ZBTB20: variants seen among roughly 807,000 people sequenced by gnomAD.
ZBTB20 encodes the protein zinc finger and BTB domain containing 20, also known as zinc finger and BTB domain-containing protein 20.
ZBTB20 carries 9 observed loss-of-function variants against 56.9 expected under a neutral mutation model. The ratio of observed to expected loss-of-function variants is 0.16; its 90% CI spans 0.10 to 0.28. The LOEUF (loss-of-function observed/expected upper bound fraction) is 0.28. Among genes scored for constraint, ZBTB20 ranks in the 10% least tolerant of loss-of-function variants. ZBTB20 has a pLI of 1.00. For synonymous variants in ZBTB20, 417 were observed against 420.7 expected, an observed-to-expected ratio of 0.99 and a Z score of 0.11; for missense variants, 655 against 1,003.0, an observed-to-expected ratio of 0.65 and a Z score of 4.69.
chr3:114,664,558 T>A (rs1450967217), intron 6 of ZBTB20, among the ~76,000 whole-genome samples: 1 of 151,936 alleles, frequency 6.6e-6, no homozygotes, highest in South Asian at 2.1e-4. Flanking sequence ...TTGAATTGCA[T>A]CTGTAGGGAA....
chr3:114,587,279 G>A (rs937079286), intron 6 of ZBTB20, among the ~76,000 whole-genome samples: 1 of 152,052 alleles, frequency 6.6e-6, no homozygotes, highest in African/African-American at 2.4e-5. Context: ...TTACAGGTGT[G>A]AGCCACCGTG....
chr3:114,812,396 G>C lies in ZBTB20; in HGVS notation c.-416-11222C>G, dbSNP rs540622780. Among the ~76,000 whole-genome samples, 37 of 151,988 alleles carry C rather than the reference G, an allele frequency of 2.4e-4. No homozygotes were observed. The East Asian group carries it at 6.2e-3, about 26-fold the overall frequency. On this transcript the variant is annotated intron_variant, in intron 4 of 11. Transcript: ENST00000675478. The stretch of plus-strand genomic sequence containing the variant: ...CCAGAGTAGCTAGATACAGAGTGTC[G>C]ACTGGTGCATTCACAAACCCTGAGC...
At chr3:114,787,212 A>G (rs1267669467) in intron 5 of ZBTB20, among the ~76,000 whole-genome samples, 2 of 151,296 alleles carry the variant, frequency 1.3e-5, no homozygotes, top group Admixed American at 6.6e-5. Context: ...TCCTGGGCTC[A>G]AGCATTCCTC....
intron 5 of ZBTB20, among the ~76,000 whole-genome samples, chr3:114,751,939 T>C (rs952535130): frequency 6.6e-6 from 1 of 151,980 alleles, no homozygotes; most frequent in Non-Finnish European, 1.5e-5. Flanking sequence ...AATAATGGAG[T>C]TGTACTGGAC....
At chr3:114,787,148 A>AT (rs1351201025) in intron 5 of ZBTB20, among the ~76,000 whole-genome samples, 4 of 150,672 alleles carry the variant, frequency 2.7e-5, no homozygotes, top group Non-Finnish European at 5.9e-5. Flanking sequence ...TCAATTAAAA[A>AT]TTTTTTTTCC....
intron 7 of ZBTB20, among the ~76,000 whole-genome samples, chr3:114,394,785 C>A (rs1213055025): frequency 6.6e-6 from 1 of 152,152 alleles, no homozygotes; most frequent in Non-Finnish European, 1.5e-5. Context: ...ACACAGCCAG[C>A]CGACTGGCTT....
chr3:114,731,341 C>T (rs966310316), intron 5 of ZBTB20, among the ~76,000 whole-genome samples: 2 of 152,100 alleles, frequency 1.3e-5, no homozygotes, highest in African/African-American at 2.4e-5. Flanking sequence ...CATGACTAGT[C>T]TTTTTAAAAT....
intron 6 of ZBTB20, among the ~76,000 whole-genome samples, chr3:114,530,718 C>T (rs148647417): frequency 8.9e-4 from 136 of 152,268 alleles, no homozygotes; most frequent in Non-Finnish European, 1.6e-3. Context: ...AAATGATCAT[C>T]GCCCTTTTGA....
chr3:114,467,083 AG>A (rs888553797), intron 7 of ZBTB20, among the ~76,000 whole-genome samples: 3 of 152,216 alleles, frequency 2.0e-5, no homozygotes, highest in Non-Finnish European at 4.4e-5. Flanking sequence ...AGCAAGGGAT[AG>A]GAAAGCACAA....
At chr3:114,845,359 T>C (rs928462245) in intron 4 of ZBTB20, among the ~76,000 whole-genome samples, 2 of 147,444 alleles carry the variant, frequency 1.4e-5, no homozygotes, top group Admixed American at 6.9e-5. Context: ...TAGTATGAAG[T>C]TTGATCGATA....
intron 6 of ZBTB20, among the ~76,000 whole-genome samples, chr3:114,666,877 A>G (rs998055173): frequency 5.3e-5 from 8 of 152,034 alleles, no homozygotes; most frequent in African/African-American, 9.7e-5. Flanking sequence ...AATGCTTTGC[A>G]AAGAGTCATA....
At chr3:114,985,689 G>C (rs2078511155) in intron 2 of ZBTB20, among the ~76,000 whole-genome samples, 1 of 151,934 alleles carries the variant, frequency 6.6e-6, no homozygotes, top group South Asian at 2.1e-4. Context: ...GTAAGATTCG[G>C]GGTGAGACCA....
At chr3:114,618,755 C>T (rs2058110030) in intron 6 of ZBTB20, among the ~76,000 whole-genome samples, 1 of 152,138 alleles carries the variant, frequency 6.6e-6, no homozygotes, top group Non-Finnish European at 1.5e-5. Flanking sequence ...ATTAAAGCTA[C>T]TATACATAGC....
intron 1 of ZBTB20, among the ~76,000 whole-genome samples, chr3:115,138,935 G>A (rs1476216789): frequency 2.0e-5 from 3 of 151,700 alleles, no homozygotes; most frequent in African/African-American, 7.3e-5. Flanking sequence ...TATGTATACT[G>A]GGTTTCAGTT....
At chr3:114,782,841 A>G (rs1444568919) in intron 5 of ZBTB20, among the ~76,000 whole-genome samples, 3 of 152,222 alleles carry the variant, frequency 2.0e-5, no homozygotes, top group Non-Finnish European at 2.9e-5. Flanking sequence ...ATATGCAGAG[A>G]TAAGTTGAAA....
chr3:114,966,793 G>C (rs1005210292), intron 3 of ZBTB20, among the ~76,000 whole-genome samples: 2 of 151,980 alleles, frequency 1.3e-5, no homozygotes, highest in African/African-American at 4.8e-5. Flanking sequence ...AACTAAGGTA[G>C]TAACATAATT....
At chr3:114,489,279 G>C (rs1255782923) in intron 7 of ZBTB20, among the ~76,000 whole-genome samples, 1 of 152,056 alleles carries the variant, frequency 6.6e-6, no homozygotes, top group Non-Finnish European at 1.5e-5. Flanking sequence ...TTACTAACTA[G>C]CTCTCTTAGT....
chr3:114,992,046 ATC>A (rs1319983393), intron 2 of ZBTB20, among the ~76,000 whole-genome samples: 3 of 151,046 alleles, frequency 2.0e-5, no homozygotes, highest in African/African-American at 7.3e-5. Context: ...TTTTGTAATA[ATC>A]TCTCTCTCCA....
intron 4 of ZBTB20, among the ~76,000 whole-genome samples, chr3:114,812,500 G>C (rs1458205859): frequency 6.6e-6 from 1 of 151,978 alleles, no homozygotes; most frequent in African/African-American, 2.4e-5. Flanking sequence ...TACAATCCCT[G>C]AGCTAGACAT....
Sources: gnomAD v4.1 joint callset for allele counts (sites outside exome capture counted in the v4.1 genomes callset) on GRCh38, gnomAD v4.1.1 for gene constraint, MANE v1.5 for transcripts, NCBI Gene and HGNC (gene_info 2026-07-23, HGNC 2026-07-21) for gene names.